The following NXN variants were observed in gnomAD, a reference collection of about 807,000 sequenced individuals.
NXN encodes the protein nucleoredoxin 1.
A neutral mutation model predicts 48.6 loss-of-function variants in NXN; 16 were observed. That is an observed-to-expected ratio of 0.33 (90% CI 0.22 to 0.50). The LOEUF (loss-of-function observed/expected upper bound fraction) is 0.50, where lower values mean the gene tolerates loss of function less well. Among genes scored for constraint, NXN ranks in the 20% least tolerant of loss-of-function variants. The probability of loss-of-function intolerance (pLI) is 0.98; values close to 1 mark genes in which losing one functional copy is unlikely to be tolerated. For synonymous variants in NXN, 281 were observed against 269.6 expected (o/e 1.04, Z -0.41); for missense variants, 492 against 605.5 (o/e 0.81, Z 1.97).
intron 1 of NXN, among the ~76,000 whole-genome samples, chr17:889,359 A>G (rs1401265279): frequency 6.6e-6 from 1 of 152,248 alleles, no homozygotes; most frequent in Non-Finnish European, 1.5e-5. Flanking sequence ...GTGATCCTGC[A>G]TCGGAGGCAA....
chr17:850,010 G>C (rs1046135690), intron 1 of NXN, among the ~76,000 whole-genome samples: 2 of 152,126 alleles, frequency 1.3e-5, no homozygotes, highest in Non-Finnish European at 2.9e-5. Flanking sequence ...TGTGATGAAG[G>C]ACTGTGTTCG....
intron 1 of NXN, among the ~76,000 whole-genome samples, chr17:858,761 G>C (rs2144772393): frequency 6.6e-6 from 1 of 152,124 alleles, no homozygotes; most frequent in African/African-American, 2.4e-5. Context: ...AAGAAAAAAA[G>C]AAAACAGCCC....
rs141729532 is a variant in NXN, at chr17:961,429, T to C, written c.360+17890A>G. Among the ~76,000 whole-genome samples the C allele has an allele frequency of 3.2e-3, 486 of 151,858 alleles. 1 individual carries two copies. The highest frequency in any genetic ancestry group is 0.03 in the East Asian group (154 of 5,162). On this transcript the variant is annotated intron_variant, in intron 1 of 7. Coordinates refer to ENST00000336868, the MANE Select transcript of NXN (RefSeq NM_022463.5). ...AAGAAATAGCTGTTCAACAAGACAG[T>C]AAGTATTGTAATTTACTTAACCCTT...
At chr17:840,628 C>G (rs111614337) in intron 1 of NXN, among the ~76,000 whole-genome samples, 1 of 152,166 alleles carries the variant, frequency 6.6e-6, no homozygotes, top group African/African-American at 2.4e-5. Context: ...CGTGAGCCAC[C>G]GCGCCCGGCC....
intron 1 of NXN, among the ~76,000 whole-genome samples, chr17:900,738 C>CA (rs952550774): frequency 6.7e-6 from 1 of 149,970 alleles, no homozygotes; most frequent in African/African-American, 2.5e-5. Flanking sequence ...AGAAGACGGC[C>CA]AAAAAAAAAG....
At chr17:858,396 G>A (rs1207084746) in intron 1 of NXN, among the ~76,000 whole-genome samples, 2 of 152,074 alleles carry the variant, frequency 1.3e-5, no homozygotes, top group East Asian at 1.9e-4. Context: ...TGACATGAAA[G>A]AACCACAAAG....
At chr17:808,815 C>T (rs1228212023) in intron 5 of NXN, among the ~76,000 whole-genome samples, 1 of 151,510 alleles carries the variant, frequency 6.6e-6, no homozygotes, top group Non-Finnish European at 1.5e-5. Context: ...GCTGGGATTA[C>T]AGGCACCCGC....
Position 800,845 on chromosome 17 carries a change from G to A in NXN, c.*104C>T, listed in dbSNP as rs1053456786. On this transcript the variant is annotated 3_prime_UTR_variant, in exon 8 of 8. Coordinates refer to ENST00000336868, the MANE Select transcript of NXN (RefSeq NM_022463.5). ...CACCACAGAGAGGCTGGACACTTGG[G>A]TGGTGGGATTCGGGGCACGCTGGGT... 7.2e-6 allele frequency: 5 copies of A among 693,474 alleles called. No individual in the cohort carries two copies. Among genetic ancestry groups the A allele is most frequent in the African/African-American group, 3.7e-5 (2 of 53,816 alleles). The allele number at this position is 693,474 out of a possible 1,614,324, so 43.0% of individuals were successfully genotyped here.
At chr17:847,560 G>A (rs2067878203) in intron 1 of NXN, among the ~76,000 whole-genome samples, 1 of 152,134 alleles carries the variant, frequency 6.6e-6, no homozygotes. Flanking sequence ...TCTGCAAACA[G>A]CCTCAGCCCC....
intron 1 of NXN, chr17:863,786 C>A: frequency 1.5e-6 from 1 of 647,510 alleles, no homozygotes; most frequent in South Asian, 1.9e-5. Flanking sequence ...TGATTCACAT[C>A]TGGTTGAAAA....
intron 1 of NXN, among the ~76,000 whole-genome samples, chr17:960,218 TTATG>T (rs1449312526): frequency 6.6e-6 from 1 of 152,218 alleles, no homozygotes. Flanking sequence ...ATCTTCCTTT[TTATG>T]TATCTGTTTA....
intron 1 of NXN, among the ~76,000 whole-genome samples, chr17:879,689 T>C (rs1158538484): frequency 2.0e-5 from 3 of 152,288 alleles, no homozygotes; most frequent in African/African-American, 7.2e-5. Flanking sequence ...CAAAGGCCTC[T>C]TGGGAACCCG....
chr17:838,304 G>A (rs544133115), intron 1 of NXN, among the ~76,000 whole-genome samples: 10 of 151,850 alleles, frequency 6.6e-5, no homozygotes, highest in South Asian at 2.1e-4. Context: ...GCTCATTTTC[G>A]TATTTTTAGT....
chr17:841,165 A>C (rs1371750913), intron 1 of NXN, among the ~76,000 whole-genome samples: 1 of 152,210 alleles, frequency 6.6e-6, no homozygotes, highest in African/African-American at 2.4e-5. Flanking sequence ...GGGCTTGGAA[A>C]CATCCCTGGC....
chr17:934,003 A>G (rs182245248), intron 1 of NXN, among the ~76,000 whole-genome samples: 1 of 152,336 alleles, frequency 6.6e-6, no homozygotes, highest in African/African-American at 2.4e-5. Context: ...ATTTAAAACA[A>G]ATGACACGAT....
intron 1 of NXN, among the ~76,000 whole-genome samples, chr17:914,975 G>A (rs193258300): frequency 6.6e-5 from 10 of 151,728 alleles, no homozygotes; most frequent in African/African-American, 9.7e-5. Context: ...AGTCTCGCTC[G>A]CCAGGCTGGA....
chr17:853,127 A>G (rs773403145), intron 1 of NXN, among the ~76,000 whole-genome samples: 2 of 151,518 alleles, frequency 1.3e-5, no homozygotes, highest in South Asian at 2.1e-4. Context: ...ACAGGCGCCC[A>G]CCACCATGCC....
intron 1 of NXN, among the ~76,000 whole-genome samples, chr17:905,729 C>G (rs1353670736): frequency 6.6e-6 from 1 of 152,070 alleles, no homozygotes; most frequent in Admixed American, 6.6e-5. Context: ...GTAATCCCAG[C>G]ACTTTGACAG....
Position 936,992 on chromosome 17 carries a change from C to T in NXN, c.360+42327G>A, listed in dbSNP as rs541138902. On this transcript the variant is annotated intron_variant, in intron 1 of 7. Coordinates refer to ENST00000336868, the MANE Select transcript of NXN (RefSeq NM_022463.5). ...CTGAGGTGGGAGGATCAGCTTGACC[C>T]CAGGAGGCCGAGATTGCACAACCGC... 9.0e-4 allele frequency among the ~76,000 whole-genome samples: 136 copies of T among 151,896 alleles called. 4 individuals are homozygous for T. In the South Asian group the frequency reaches 0.01, roughly 11 times the overall value.
Sources: allele counts gnomAD v4.1 joint callset (sites outside exome capture counted in the v4.1 genomes callset), GRCh38; gene constraint gnomAD v4.1.1; transcripts MANE v1.5; gene names NCBI Gene and HGNC (gene_info 2026-07-23, HGNC 2026-07-21).